Variants in C12orf42 observed in about 807,000 individuals in gnomAD.
The protein encoded by C12orf42 is uncharacterized protein C12orf42.
In C12orf42, 25 loss-of-function variants were observed where a neutral mutation model predicts 21.6. That is an observed-to-expected ratio of 1.16 (90% CI 0.84 to 1.62). The LOEUF is 1.62. Among genes scored for constraint, C12orf42 ranks in the 40% most tolerant of loss-of-function variants. The pLI is 0.00. For missense variants in C12orf42, 483 were observed against 459.3 expected (o/e 1.05, Z -0.47); for synonymous variants, 174 against 175.0 (o/e 0.99, Z 0.05).
At chr12:103,047,683 C>T in the C12orf42 span, among the ~76,000 whole-genome samples, 1 of 152,182 alleles carries the variant, frequency 6.6e-6, no homozygotes, top group Non-Finnish European at 1.5e-5. Flanking sequence ...TGGGGCAGTT[C>T]TCCTGACCTA....
the C12orf42 span, among the ~76,000 whole-genome samples, chr12:103,535,725 C>T: frequency 2.6e-5 from 4 of 152,138 alleles, no homozygotes; most frequent in Non-Finnish European, 5.9e-5. Context: ...ATGTTGAGGA[C>T]ATGAACTCTA....
intron 4 of C12orf42, among the ~76,000 whole-genome samples, chr12:103,309,183 A>G (rs1444918764): frequency 1.3e-5 from 2 of 152,184 alleles, no homozygotes; most frequent in Non-Finnish European, 2.9e-5. Flanking sequence ...CCCAGAGTAC[A>G]GTTGACCCTT....
At chr12:103,400,274 A>T (rs2047886621) in intron 3 of C12orf42, among the ~76,000 whole-genome samples, 1 of 152,214 alleles carries the variant, frequency 6.6e-6, no homozygotes, top group Non-Finnish European at 1.5e-5. Flanking sequence ...TGTGAGCTCC[A>T]GAGGCATCAT....
At chr12:103,382,835 T>C (rs530392258) in intron 3 of C12orf42, among the ~76,000 whole-genome samples, 19 of 152,312 alleles carry the variant, frequency 1.2e-4, no homozygotes, top group Non-Finnish European at 2.6e-4. Context: ...CCTATATGTT[T>C]ATCTTTTTCC....
At chr12:103,484,104 T>C (rs1167534414) in intron 1 of C12orf42, among the ~76,000 whole-genome samples, 3 of 152,202 alleles carry the variant, frequency 2.0e-5, no homozygotes, top group African/African-American at 7.2e-5. Context: ...CTATTATGAA[T>C]AGTGCCGCAA....
chr12:103,084,391 C>CT, the C12orf42 span, among the ~76,000 whole-genome samples: 589 of 152,074 alleles, frequency 3.9e-3, 2 homozygotes, highest in African/African-American at 0.013. Context: ...TTATACACTA[C>CT]TTTTTTTTAA....
Position 103,306,361 on chromosome 12 carries a change from A to G in C12orf42, c.260-16T>C. 1 of 1,568,998 alleles carries G rather than the reference A, an allele frequency of 6.4e-7. No individual in the cohort carries two copies. Among genetic ancestry groups the G allele is most frequent in the African/African-American group, 1.4e-5 (1 of 73,356 alleles). On this transcript the variant is annotated splice_polypyrimidine_tract_variant and intron_variant, in intron 4 of 5. Coordinates refer to ENST00000548883, the MANE Select transcript of C12orf42 (RefSeq NM_198521.5). ...TCTGGAAATACTGTGAAAGGTAAATACATTCGTTTGAAAAATTCACCAAAA... is the reference window on the plus strand; with the variant it reads ...TCTGGAAATACTGTGAAAGGTAAATGCATTCGTTTGAAAAATTCACCAAAA...
Position 103,293,952 on chromosome 12 carries a change from G to A in C12orf42, n.338-16742C>T, listed in dbSNP as rs145237341. Among the ~76,000 whole-genome samples the A allele has an allele frequency of 2.0e-3, 307 of 152,206 alleles. 2 individuals are homozygous for A. Among genetic ancestry groups the A allele is most frequent in the Non-Finnish European group, 2.9e-3 (194 of 68,004 alleles). On this transcript the variant is annotated intron_variant and non_coding_transcript_variant, in intron 4 of 6. Coordinates refer to the C12orf42 transcript ENST00000546526. ...CATTATTTCATGTTTCACTATCTAGGTCTCACTGAATTAAAATGGCTCTTC... is the reference window on the plus strand; with the variant it reads ...CATTATTTCATGTTTCACTATCTAGATCTCACTGAATTAAAATGGCTCTTC...
the C12orf42 span, among the ~76,000 whole-genome samples, chr12:103,158,377 C>T: frequency 6.6e-6 from 1 of 152,142 alleles, no homozygotes; most frequent in African/African-American, 2.4e-5. Flanking sequence ...ATAGCTTCTG[C>T]GCTGACCACT....
chr12:103,159,753 C>G, the C12orf42 span, among the ~76,000 whole-genome samples: 4 of 152,202 alleles, frequency 2.6e-5, no homozygotes, highest in African/African-American at 7.2e-5. Context: ...ATGGTCCCCT[C>G]CAGTTGTATC....
the C12orf42 span, among the ~76,000 whole-genome samples, chr12:103,542,955 C>T: frequency 6.6e-6 from 1 of 152,190 alleles, no homozygotes; most frequent in South Asian, 2.1e-4. Flanking sequence ...AACCTTGCAT[C>T]AGGAACCTTG....
the C12orf42 span, among the ~76,000 whole-genome samples, chr12:103,223,355 A>C: frequency 2.6e-5 from 4 of 152,178 alleles, no homozygotes; most frequent in Non-Finnish European, 5.9e-5. Context: ...TTTGTCGTAT[A>C]GAATGATTGG....
intron 10 of C12orf42, chr12:103,237,939 T>C (rs533405634): frequency 6.6e-6 from 1 of 152,244 alleles, no homozygotes; most frequent in African/African-American, 2.4e-5. Flanking sequence ...TTCTACCTCT[T>C]GAAGAAGAAA....
At chr12:103,553,937 A>G in the C12orf42 span, among the ~76,000 whole-genome samples, 1 of 152,192 alleles carries the variant, frequency 6.6e-6, no homozygotes, top group Non-Finnish European at 1.5e-5. Context: ...GAGGGAGGAG[A>G]GAACCAGCAA....
chr12:103,434,766 G>T (rs188753748), intron 2 of C12orf42, among the ~76,000 whole-genome samples: 5 of 152,150 alleles, frequency 3.3e-5, no homozygotes, highest in African/African-American at 1.2e-4. Flanking sequence ...ACGGACTCTT[G>T]CTGATTGCTA....
At chr12:103,434,051 A>T (rs1018606130) in intron 2 of C12orf42, among the ~76,000 whole-genome samples, 1 of 152,196 alleles carries the variant, frequency 6.6e-6, no homozygotes, top group African/African-American at 2.4e-5. Context: ...TTATTTTTTT[A>T]AAATGAAGAC....
chr12:103,256,195 T>C (rs919285095), intron 10 of C12orf42, among the ~76,000 whole-genome samples: 15 of 140,712 alleles, frequency 1.1e-4, no homozygotes, highest in African/African-American at 2.1e-4. Context: ...TATATACACA[T>C]ATATATATAT....
chr12:103,172,229 G>A, the C12orf42 span, among the ~76,000 whole-genome samples: 6,559 of 152,086 alleles, frequency 0.043, 384 homozygotes, highest in East Asian at 0.3. Flanking sequence ...ACAGAATAGG[G>A]TAATATGCAT....
At chr12:103,494,670 A>C (rs1955400126) in intron 1 of C12orf42, among the ~76,000 whole-genome samples, 1 of 152,164 alleles carries the variant, frequency 6.6e-6, no homozygotes. Context: ...TTCTTCTCTT[A>C]AAGTTCCTTC....
Sources: gnomAD v4.1 joint callset for allele counts (sites outside exome capture counted in the v4.1 genomes callset) on GRCh38, gnomAD v4.1.1 for gene constraint, MANE v1.5 for transcripts, NCBI Gene and HGNC (gene_info 2026-07-23, HGNC 2026-07-21) for gene names.